Variants in AHCYL2 observed in about 807,000 individuals in gnomAD.
AHCYL2 encodes adenosylhomocysteinase like 2, also known as S-adenosylhomocysteine hydrolase-like protein 2.
AHCYL2 carries 28 observed loss-of-function variants against 81.4 expected under a neutral mutation model. The ratio of observed to expected loss-of-function variants is 0.34; its 90% confidence interval spans 0.25 to 0.47. The LOEUF (loss-of-function observed/expected upper bound fraction) is 0.47, where lower values mean the gene tolerates loss of function less well. Among genes scored for constraint, AHCYL2 ranks in the 20% least tolerant of loss-of-function variants. AHCYL2 has a pLI of 1.00. For synonymous variants in AHCYL2, 272 were observed against 290.2 expected (o/e 0.94, Z 0.64); for missense variants, 551 against 785.1 (o/e 0.70, Z 3.56).
At chr7:129,293,082 T>C (rs987199794) in intron 1 of AHCYL2, among the ~76,000 whole-genome samples, 3 of 152,060 alleles carry the variant, frequency 2.0e-5, no homozygotes, top group Non-Finnish European at 4.4e-5. Flanking sequence ...CCTGAGTAGC[T>C]GTGATTATAG....
intron 1 of AHCYL2, among the ~76,000 whole-genome samples, chr7:129,290,423 C>T (rs982061061): frequency 1.1e-4 from 17 of 150,686 alleles, no homozygotes; most frequent in Non-Finnish European, 7.4e-5. Flanking sequence ...ATGGTATGAA[C>T]CCGGGAGGCG....
chr7:129,231,204 C>T (rs1012323020), intron 1 of AHCYL2, among the ~76,000 whole-genome samples: 1 of 151,786 alleles, frequency 6.6e-6, no homozygotes, highest in East Asian at 1.9e-4. Flanking sequence ...CATGCCACCG[C>T]GCTTCAGCCT....
chr7:129,312,194 C>T (rs1428061227), intron 1 of AHCYL2, among the ~76,000 whole-genome samples: 29 of 152,112 alleles, frequency 1.9e-4, no homozygotes, highest in Non-Finnish European at 7.4e-5. Flanking sequence ...AAGTGATTCT[C>T]TCAGCTCAAC....
chr7:129,401,852 T>C (rs189036311), intron 6 of AHCYL2, among the ~76,000 whole-genome samples: 1 of 152,184 alleles, frequency 6.6e-6, no homozygotes, highest in African/African-American at 2.4e-5. Flanking sequence ...ATAAAGAGAG[T>C]AAGACAAGGA....
At chr7:129,246,000 G>A (rs1049674559) in intron 1 of AHCYL2, among the ~76,000 whole-genome samples, 2 of 151,692 alleles carry the variant, frequency 1.3e-5, no homozygotes, top group African/African-American at 4.8e-5. Context: ...TTTATACATC[G>A]ACAACACTTA....
chr7:129,229,587 C>G (rs559952902), intron 1 of AHCYL2, among the ~76,000 whole-genome samples: 9 of 152,270 alleles, frequency 5.9e-5, no homozygotes, highest in African/African-American at 2.2e-4. Flanking sequence ...ATTCTAACTT[C>G]TTAGATGCTG....
chr7:129,350,472 C>T (rs1052113042), intron 1 of AHCYL2, among the ~76,000 whole-genome samples: 7 of 151,570 alleles, frequency 4.6e-5, no homozygotes, highest in Admixed American at 3.3e-4. Context: ...CAACCTCTGC[C>T]TCCCGGGTTC....
chr7:129,239,971 C>A (rs1185954853), intron 1 of AHCYL2, among the ~76,000 whole-genome samples: 2 of 152,006 alleles, frequency 1.3e-5, no homozygotes, highest in Non-Finnish European at 2.9e-5. Context: ...CGCCTGTAAT[C>A]CTAGCACTTT....
intron 12 of AHCYL2, among the ~76,000 whole-genome samples, chr7:129,418,489 C>T (rs1796963395): frequency 6.6e-6 from 1 of 152,082 alleles, no homozygotes; most frequent in African/African-American, 2.4e-5. Context: ...TTAGTAGAGT[C>T]GGGGTTTCAC....
Position 129,237,941 on chromosome 7 carries a change from T to G in AHCYL2, c.363+12502T>G, listed in dbSNP as rs142350456. On this transcript the variant is annotated intron_variant, in intron 1 of 16. Coordinates refer to ENST00000325006, the MANE Select transcript of AHCYL2 (RefSeq NM_015328.4). Reference sequence around the variant, plus strand: ...TTCACCATCTTGGCCAGGCTGGTCTTGAACTCCTGACCTTGTGATCCACCT... The same window carrying G: ...TTCACCATCTTGGCCAGGCTGGTCTGGAACTCCTGACCTTGTGATCCACCT... Among the ~76,000 whole-genome samples, 123 of 152,178 alleles carry G rather than the reference T, an allele frequency of 8.1e-4. 2 individuals carry two copies. Among genetic ancestry groups the G allele is most frequent in the African/African-American group, 2.9e-3 (120 of 41,526 alleles).
At chr7:129,291,807 G>A (rs953165528) in intron 1 of AHCYL2, among the ~76,000 whole-genome samples, 14 of 151,694 alleles carry the variant, frequency 9.2e-5, no homozygotes, top group East Asian at 1.9e-4. Context: ...GGGTTTCACC[G>A]TGTTAGCCAG....
At chr7:129,386,237 C>T (rs1055183773) in intron 2 of AHCYL2, among the ~76,000 whole-genome samples, 17 of 151,920 alleles carry the variant, frequency 1.1e-4, no homozygotes, top group South Asian at 2.1e-4. Context: ...TCAAGGTGGG[C>T]GGATCACCTG....
chr7:129,423,969 G>A (rs1797238130), intron 13 of AHCYL2, among the ~76,000 whole-genome samples: 3 of 152,180 alleles, frequency 2.0e-5, no homozygotes, highest in South Asian at 4.1e-4. Flanking sequence ...GCTGCCCTAG[G>A]AGGTCCCACC....
Position 129,225,413 on chromosome 7 carries a change from A to T in AHCYL2, c.337A>T (p.Thr113Ser). 6.6e-7 allele frequency: 1 copy of T among 1,515,862 alleles called. No individual in the cohort carries two copies. Among genetic ancestry groups the T allele is most frequent in the Non-Finnish European group, 8.8e-7 (1 of 1,137,586 alleles). 93.9% of individuals were successfully genotyped at this position (1,515,862 alleles called of 1,614,324 possible). A position where few individuals can be genotyped will look rare whatever the true frequency, so the allele number is the denominator to read the frequency against. Residue 113 changes from threonine to serine, a missense_variant, in exon 1 of 17, where the codon ACC becomes TCC. Coordinates refer to ENST00000325006, the MANE Select transcript of AHCYL2 (RefSeq NM_015328.4). ...CCTGGTCAGCCCCGACGGCACCGTC[A>T]CCGAGGCGCCGCGCACAGTCAAGAA... ...EALVSPDGTV[T>S]EAPRTVKKQI... is the part of the protein sequence containing the mutation.
chr7:129,391,547 C>T (rs533323077), intron 4 of AHCYL2, among the ~76,000 whole-genome samples: 1 of 152,116 alleles, frequency 6.6e-6, no homozygotes, highest in Non-Finnish European at 1.5e-5. Context: ...AAAAATGCCC[C>T]CACAATTTTC....
intron 1 of AHCYL2, among the ~76,000 whole-genome samples, chr7:129,302,838 T>G (rs1185535654): frequency 6.6e-6 from 1 of 152,222 alleles, no homozygotes; most frequent in East Asian, 1.9e-4. Context: ...CTTTTTCTGA[T>G]TTTGGTATCA....
At chr7:129,425,535 G>A (rs911093194) in intron 15 of AHCYL2, among the ~76,000 whole-genome samples, 3 of 152,154 alleles carry the variant, frequency 2.0e-5, no homozygotes, top group Admixed American at 6.5e-5. Context: ...TTTCTCAGAC[G>A]ACACAAGACT....
chr7:129,306,115 C>T (rs572947229), intron 1 of AHCYL2, among the ~76,000 whole-genome samples: 1 of 152,276 alleles, frequency 6.6e-6, no homozygotes, highest in South Asian at 2.1e-4. Context: ...CCTTCTTGTA[C>T]TTGAATACTG....
At chr7:129,379,279 CAAAAAAA>C (rs200168015) in intron 1 of AHCYL2, among the ~76,000 whole-genome samples, 1 of 68,334 alleles carries the variant, frequency 1.5e-5, no homozygotes, top group Admixed American at 1.6e-4. Flanking sequence ...AAGTCCATCT[CAAAAAAA>C]AAAAAAAAAA....
Sources: gnomAD v4.1 joint callset for allele counts (sites outside exome capture counted in the v4.1 genomes callset) on GRCh38, gnomAD v4.1.1 for gene constraint, MANE v1.5 for transcripts, NCBI Gene and HGNC (gene_info 2026-07-23, HGNC 2026-07-21) for gene names.